Variants in CMTM4 observed in about 807,000 individuals in gnomAD.
The protein encoded by CMTM4 is CKLF like MARVEL transmembrane domain containing 4, also known as CKLF-like MARVEL transmembrane domain-containing protein 4.
CMTM4 carries 8 observed loss-of-function variants against 19.0 expected under a neutral mutation model. That is an observed-to-expected ratio of 0.42 (90% CI 0.25 to 0.76). CMTM4 has a LOEUF of 0.76. Ranked by LOEUF, CMTM4 falls within the 30% of genes least tolerant of loss-of-function variation. The probability of loss-of-function intolerance (pLI) is 0.27; values close to 1 mark genes in which losing one functional copy is unlikely to be tolerated. For missense variants in CMTM4, 228 were observed against 290.2 expected, an observed-to-expected ratio of 0.79 and a Z score of 1.56; for synonymous variants, 106 against 121.1, an observed-to-expected ratio of 0.88 and a Z score of 0.82.
intron 1 of CMTM4, among the ~76,000 whole-genome samples, chr16:66,679,879 C>A (rs1374752718): frequency 6.7e-6 from 1 of 149,952 alleles, no homozygotes; most frequent in Non-Finnish European, 1.5e-5. Context: ...GCAATGCTCA[C>A]AATCCGCCTA....
At chr16:66,604,628 G>A in the CMTM4 span, 8 of 442,960 alleles carry the variant, frequency 1.8e-5, no homozygotes, top group Admixed American at 4.8e-5. Context: ...CGGGGTCCGA[G>A]GGGGAGGGGC....
intron 1 of CMTM4, among the ~76,000 whole-genome samples, chr16:66,689,779 C>T (rs1175713657): frequency 6.6e-6 from 1 of 152,078 alleles, no homozygotes; most frequent in African/African-American, 2.4e-5. Context: ...CCTTTTTGTT[C>T]CTGGGATAAA....
At chr16:66,685,114 C>G (rs1364175013) in intron 1 of CMTM4, among the ~76,000 whole-genome samples, 1 of 152,196 alleles carries the variant, frequency 6.6e-6, no homozygotes, top group Non-Finnish European at 1.5e-5. Flanking sequence ...GAATACTTCA[C>G]AATTTATAGT....
downstream of CMTM4, chr16:66,611,098 G>A (rs983695094): frequency 3.1e-5 from 12 of 389,372 alleles, no homozygotes; most frequent in Non-Finnish European, 5.0e-5. Context: ...TTACTATTTG[G>A]AGAGTTTCAC....
At chr16:66,600,070 T>C in the CMTM4 span, among the ~76,000 whole-genome samples, 216 of 152,136 alleles carry the variant, frequency 1.4e-3, no homozygotes, top group Non-Finnish European at 2.5e-3. Flanking sequence ...AAAATTGGGT[T>C]GTTTTCTTCT....
At chr16:66,692,967 T>C (rs994217713) in intron 1 of CMTM4, among the ~76,000 whole-genome samples, 33 of 151,846 alleles carry the variant, frequency 2.2e-4, no homozygotes, top group African/African-American at 7.5e-4. Context: ...CTCACGCCTA[T>C]AATCCCAGCA....
intron 1 of CMTM4, among the ~76,000 whole-genome samples, chr16:66,683,125 GTGTGTA>G (rs1268409048): frequency 2.3e-5 from 3 of 129,304 alleles, no homozygotes; most frequent in Non-Finnish European, 3.1e-5. Context: ...GTGTGTGTGT[GTGTGTA>G]TATATATATA....
At chr16:66,664,775 G>A (rs2016562097) in intron 1 of CMTM4, among the ~76,000 whole-genome samples, 1 of 151,894 alleles carries the variant, frequency 6.6e-6, no homozygotes, top group African/African-American at 2.4e-5. Flanking sequence ...CAAAACAGAG[G>A]GAACAAACAG....
the CMTM4 span, among the ~76,000 whole-genome samples, chr16:66,601,667 CCTG>C: frequency 4.6e-5 from 7 of 152,364 alleles, no homozygotes; most frequent in East Asian, 1.3e-3. Flanking sequence ...CTGTCCGCCT[CCTG>C]CTGCCATTCA....
Position 66,660,797 on chromosome 16 carries a change from G to A in CMTM4, c.187-24216C>T, listed in dbSNP as rs145893058. ...TCCACAATAAACCTCTCCCTCTGCAGGCTTCCTGCTGTCTCCTCAAATCTC... is the reference window on the plus strand; with the variant it reads ...TCCACAATAAACCTCTCCCTCTGCAAGCTTCCTGCTGTCTCCTCAAATCTC... On this transcript the variant is annotated intron_variant, in intron 1 of 3. Transcript: ENST00000394106. Among the ~76,000 whole-genome samples, 4 of 152,286 alleles carry A rather than the reference G, an allele frequency of 2.6e-5. No individual in the cohort carries two copies. In the East Asian group the frequency reaches 7.7e-4, roughly 29 times the overall value.
the CMTM4 span, chr16:66,604,806 A>C: frequency 8.0e-7 from 1 of 1,253,036 alleles, no homozygotes; most frequent in Non-Finnish European, 1.0e-6. Flanking sequence ...CGCCGCCGCC[A>C]TGTGGCCCCC....
chr16:66,688,018 G>A (rs1483554543), intron 1 of CMTM4, among the ~76,000 whole-genome samples: 21 of 152,050 alleles, frequency 1.4e-4, no homozygotes, highest in Admixed American at 1.4e-3. Flanking sequence ...GAAATTTATT[G>A]CTCATAGTTC....
chr16:66,681,774 C>G (rs1269852417), intron 1 of CMTM4, among the ~76,000 whole-genome samples: 3 of 152,124 alleles, frequency 2.0e-5, no homozygotes, highest in African/African-American at 7.2e-5. Flanking sequence ...AGCCTGGGTC[C>G]CCCTCATCTT....
At chr16:66,610,119 A>G, downstream of CMTM4, 1 of 1,383,222 alleles carries the variant, frequency 7.2e-7, no homozygotes, top group Non-Finnish European at 1.0e-6. The surrounding 1 kb of genome is among the most constrained non-coding windows in gnomAD (Gnocchi z 4.6). Context: ...CATGGCAGGA[A>G]GTGTTTTCAC....
In CMTM4 at chr16:66,696,593, GGCCGCCGCATCGCCGCCGCCGCCGCC is replaced by G. The variant is rs1596973300; in HGVS notation, c.-94_-69del. The G allele has an allele frequency of 1.0e-6, 1 of 996,124 alleles. No homozygotes were observed. Among genetic ancestry groups the G allele is most frequent in the Non-Finnish European group, 1.2e-6 (1 of 823,650 alleles). The allele number at this position is 996,124 out of a possible 1,614,324, so 61.7% of individuals were successfully genotyped here. A position where few individuals can be genotyped will look rare whatever the true frequency, so the allele number is the denominator to read the frequency against. On this transcript the variant is annotated 5_prime_UTR_variant, in exon 1 of 4. An upstream start codon of the reference 5' UTR is lost. Transcript: ENST00000394106. The surrounding 1 kb of genome is among the most constrained non-coding windows in gnomAD (Gnocchi z 4.3). ...CGCCAGGAGCGGGCGGACTCAGCGGGGCCGCCGCATCGCCGCCGCCGCCGCCGCCGCCGCCGCCCGACTGACTGCCC... is the reference window on the plus strand; with the variant it reads ...CGCCAGGAGCGGGCGGACTCAGCGGGGCCGCCGCCGCCCGACTGACTGCCC...
At position 66,619,328 on chromosome 16, in the gene CMTM4, T is replaced by C; in HGVS notation, c.*2730A>G. ...ACCACCAGAGGTTCCACCAAATGCT[T>C]GAGGGTTTCAGCTGTACAGTGTCCA... On this transcript the variant is annotated 3_prime_UTR_variant, in exon 4 of 4. Coordinates refer to ENST00000394106, the MANE Select transcript of CMTM4 (RefSeq NM_181521.3). 1.0e-6 allele frequency: 1 copy of C among 985,422 alleles called. No individual in the cohort carries two copies. The highest frequency in any genetic ancestry group is 1.2e-6 in the Non-Finnish European group (1 of 829,930). The allele number at this position is 985,422 out of a possible 1,614,324, so 61.0% of individuals were successfully genotyped here. A position where few individuals can be genotyped will look rare whatever the true frequency, so the allele number is the denominator to read the frequency against.
intron 1 of CMTM4, among the ~76,000 whole-genome samples, chr16:66,661,819 G>T (rs1027384373): frequency 3.2e-4 from 48 of 152,086 alleles, no homozygotes; most frequent in African/African-American, 1.1e-3. Context: ...TGTAATTCCA[G>T]CTACTCAGGA....
chr16:66,606,573 G>A, the CMTM4 span, among the ~76,000 whole-genome samples: 1 of 152,160 alleles, frequency 6.6e-6, no homozygotes, highest in East Asian at 1.9e-4. Context: ...GGGCATCTGG[G>A]TGTCCCCATG....
chr16:66,633,063 C>T (rs1356781676), intron 2 of CMTM4, among the ~76,000 whole-genome samples: 1 of 138,130 alleles, frequency 7.2e-6, no homozygotes, highest in African/African-American at 3.1e-5. Context: ...CCAGCCTGGG[C>T]AACAAGAGCG....
Sources: gnomAD v4.1 joint callset for allele counts (sites outside exome capture counted in the v4.1 genomes callset) on GRCh38, gnomAD v4.1.1 for gene constraint, Gnocchi (gnomAD v3.1) non-coding constraint, MANE v1.5 for transcripts, NCBI Gene and HGNC (gene_info 2026-07-23, HGNC 2026-07-21) for gene names.